Variants in PDE4DIP observed in about 807,000 individuals in gnomAD.
The protein encoded by PDE4DIP is myomegalin.
A neutral mutation model predicts 221.4 loss-of-function variants in PDE4DIP; 59 were observed. The observed-to-expected ratio is 0.27, with a 90% CI of 0.22 to 0.33. PDE4DIP has a LOEUF of 0.33. Ranked by LOEUF, PDE4DIP falls within the 10% of genes least tolerant of loss-of-function variation. The pLI is 1.00. For synonymous variants in PDE4DIP, 404 were observed against 815.9 expected (o/e 0.50, Z 8.60); for missense variants, 1,036 against 2,154.2 (o/e 0.48, Z 10.28).
chr1:149,022,812 T>C (rs1352958751), intron 37 of PDE4DIP, among the ~76,000 whole-genome samples: 3 of 151,750 alleles, frequency 2.0e-5, no homozygotes, highest in African/African-American at 7.2e-5. Context: ...TGCTAAGTCT[T>C]AGGGGATGTC....
rs1553539689 is a variant in PDE4DIP at position 148,978,434 on chromosome 1, A to T, written c.2574+19A>T. 24 of 1,489,476 alleles carry T rather than the reference A, an allele frequency of 1.6e-5. No homozygotes were observed. Among genetic ancestry groups the T allele is most frequent in the Non-Finnish European group, 2.2e-5 (24 of 1,098,806 alleles). The allele number at this position is 1,489,476 out of a possible 1,614,324, so 92.3% of individuals were successfully genotyped here. On this transcript the variant is annotated intron_variant, in intron 19 of 43. Coordinates refer to ENST00000369354, the Ensembl canonical transcript of PDE4DIP. ...ACAACAGGTAAGTTACTGGAATATA[A>T]ACCTTATTTATTTATTTACATTTTT...
intron 41 of PDE4DIP, among the ~76,000 whole-genome samples, 173 bp downstream of exon 44, chr1:149,028,876 G>A (rs2075928755): frequency 6.6e-6 from 1 of 151,952 alleles, no homozygotes; most frequent in Non-Finnish European, 1.5e-5. Context: ...CATGGTGGCT[G>A]CTTTCATTAC....
chr1:149,032,869 A>AT (rs2077023840), exon 44 of PDE4DIP: 1 of 207,914 alleles, frequency 4.8e-6, no homozygotes, highest in Non-Finnish European at 9.8e-6. Flanking sequence ...TGTGTGTATA[A>AT]ATATATGATA....
intron 5 of PDE4DIP, chr1:148,938,112 G>A: frequency 2.9e-6 from 1 of 342,038 alleles, no homozygotes; most frequent in South Asian, 3.5e-5. Flanking sequence ...TTTCTCATCT[G>A]GAGGCATACC....
chr1:148,946,952 A>G (rs1357844493), intron 5 of PDE4DIP, among the ~76,000 whole-genome samples: 1 of 152,050 alleles, frequency 6.6e-6, no homozygotes, highest in African/African-American at 2.4e-5. Flanking sequence ...TTGTCCCTTC[A>G]ACTATACCAG....
At chr1:148,971,128 A>G (rs1320518352) in intron 14 of PDE4DIP, among the ~76,000 whole-genome samples, 1 of 152,126 alleles carries the variant, frequency 6.6e-6, no homozygotes, top group Non-Finnish European at 1.5e-5. Flanking sequence ...CTGTCTTAGA[A>G]AACTGGGATT....
intron 21 of PDE4DIP, chr1:148,984,893 G>A (rs1472945382): frequency 6.6e-6 from 1 of 151,988 alleles, no homozygotes; most frequent in South Asian, 2.1e-4. Context: ...ATAGAAAACA[G>A]TCACAAAATC....
chr1:148,934,312 C>T (rs2048710642), intron 4 of PDE4DIP, among the ~76,000 whole-genome samples: 1 of 151,412 alleles, frequency 6.6e-6, no homozygotes, highest in South Asian at 2.1e-4. Flanking sequence ...ATATTTGAAC[C>T]CCAATTAAAA....
intron 5 of PDE4DIP, among the ~76,000 whole-genome samples, chr1:148,959,715 T>TA (rs1460679833): frequency 6.6e-6 from 1 of 152,134 alleles, no homozygotes; most frequent in African/African-American, 2.4e-5. Context: ...TATAAAATCA[T>TA]ACTTTTTTCT....
At chr1:148,990,177 T>C in intron 21 of PDE4DIP, 2 of 981,180 alleles carry the variant, frequency 2.0e-6, no homozygotes, top group African/African-American at 3.5e-5. Flanking sequence ...AATATATAGA[T>C]GTGAACTGCC....
intron 1 of PDE4DIP, among the ~76,000 whole-genome samples, chr1:148,920,058 C>G (rs1189899020): frequency 2.7e-5 from 4 of 148,790 alleles, no homozygotes; most frequent in African/African-American, 1.0e-4. Flanking sequence ...CCAATACTTT[C>G]TTGTCGACTT....
At chr1:148,856,685 GA>G (rs1186939322) in intron 1 of PDE4DIP, among the ~76,000 whole-genome samples, 11 of 37,750 alleles carry the variant, frequency 2.9e-4, no homozygotes, top group Non-Finnish European at 5.9e-4. Context: ...TCCAGTGCAA[GA>G]AAACCTGTGG....
At chr1:148,984,377 T>C (rs1303939479) in intron 21 of PDE4DIP, 1 of 152,090 alleles carries the variant, frequency 6.6e-6, no homozygotes, top group Non-Finnish European at 1.5e-5. Flanking sequence ...TATTACATTA[T>C]ATATAGCAAG....
At chr1:148,981,579 AGTG>A in intron 21 of PDE4DIP, 182 bp downstream of exon 24, 1 of 654,972 alleles carries the variant, frequency 1.5e-6, no homozygotes, top group East Asian at 2.8e-5. Context: ...TCAACTACAA[AGTG>A]AAACTCACTT....
At chr1:149,006,280 A>T (rs2067018150) in intron 27 of PDE4DIP, 2 of 152,290 alleles carry the variant, frequency 1.3e-5, no homozygotes, top group South Asian at 4.1e-4. Context: ...CTGGTTATCT[A>T]TTGCTAAGTA....
intron 38 of PDE4DIP, chr1:149,026,476 T>TA (rs2075210258): frequency 3.6e-6 from 1 of 276,472 alleles, no homozygotes; most frequent in South Asian, 1.6e-4. Flanking sequence ...AACTAGAAGT[T>TA]ACGTTCTCAT....
At chr1:148,987,864 C>T (rs2152325288) in intron 21 of PDE4DIP, among the ~76,000 whole-genome samples, 1 of 152,140 alleles carries the variant, frequency 6.6e-6, no homozygotes, top group African/African-American at 2.4e-5. Flanking sequence ...CCCAGCAGTT[C>T]AAGACCAACC....
chr1:149,024,348 T>TA, intron 37 of PDE4DIP, 97 bp from the exon 41 acceptor site: 1 of 797,944 alleles, frequency 1.3e-6, no homozygotes, highest in Non-Finnish European at 2.1e-6. Flanking sequence ...ACTCAGATGA[T>TA]AGTGGGGTCC....
Position 148,966,949 on chromosome 1 carries a change from C to T in PDE4DIP, c.1578C>T (p.Val526=), listed in dbSNP as rs782236360. Residue 526 remains valine (V), a synonymous_variant, in exon 12 of 44, where the codon GTC becomes GTT. Transcript: ENST00000369354. ...ATGACTTAGAGAGACTGCGCGATGT[C>T]CTCTCCTCCAATGAAGCTACTATGC... 1.5e-5 allele frequency: 24 copies of T among 1,611,856 alleles called. 1 individual carries two copies. The Admixed American group carries it at 4.0e-4, about 27-fold the overall frequency.
Sources: allele counts gnomAD v4.1 joint callset (sites outside exome capture counted in the v4.1 genomes callset), GRCh38; gene constraint gnomAD v4.1.1; transcripts MANE v1.5; gene names NCBI Gene and HGNC (gene_info 2026-07-23, HGNC 2026-07-21).